The following CADPS2 variants were observed in gnomAD, a reference collection of about 807,000 sequenced individuals.
The protein encoded by CADPS2 is calcium-dependent secretion activator 2.
CADPS2 carries 93 observed loss-of-function variants against 172.5 expected under a neutral mutation model. The observed-to-expected ratio is 0.54, with a 90% CI of 0.46 to 0.64. The LOEUF (loss-of-function observed/expected upper bound fraction) is 0.64. CADPS2 is among the 30% of genes least tolerant of loss of function. The pLI is 0.00. For missense variants in CADPS2, 1,420 were observed against 1,565.9 expected, an observed-to-expected ratio of 0.91 and a Z score of 1.57; for synonymous variants, 546 against 555.2, an observed-to-expected ratio of 0.98 and a Z score of 0.23.
At chr7:122,421,731 G>T (rs757220060) in intron 17 of CADPS2, among the ~76,000 whole-genome samples, 1 of 152,182 alleles carries the variant, frequency 6.6e-6, no homozygotes, top group Non-Finnish European at 1.5e-5. Flanking sequence ...AAGAAGATCT[G>T]TTATAAAGTC....
At chr7:122,344,336 G>C (rs962099302) in intron 28 of CADPS2, among the ~76,000 whole-genome samples, 1 of 152,094 alleles carries the variant, frequency 6.6e-6, no homozygotes, top group Non-Finnish European at 1.5e-5. Flanking sequence ...ATTATGCAAA[G>C]TTATGTCACA....
chr7:122,727,060 A>G (rs553252209), intron 2 of CADPS2, among the ~76,000 whole-genome samples: 37 of 152,048 alleles, frequency 2.4e-4, no homozygotes, highest in Non-Finnish European at 4.9e-4. Flanking sequence ...CTAACTTGGC[A>G]TTTTTCCCTC....
chr7:122,319,740 A>C lies in CADPS2; in HGVS notation c.*425T>G, dbSNP rs1399489356. 1 of 156,150 alleles carries C rather than the reference A, an allele frequency of 6.4e-6. No homozygotes were observed. Among genetic ancestry groups the C allele is most frequent in the Non-Finnish European group, 1.4e-5 (1 of 70,920 alleles). 9.7% of individuals were successfully genotyped at this position (156,150 alleles called of 1,614,324 possible). A position where few individuals can be genotyped will look rare whatever the true frequency, so the allele number is the denominator to read the frequency against. On this transcript the variant is annotated 3_prime_UTR_variant, in exon 30 of 30. Transcript: ENST00000449022. ...TACACACCATTTTAACAAGGATACG[A>C]CAGTGTTGGTGCAGTGGTCCGAACT...
At chr7:122,772,013 G>A (rs956740149) in intron 1 of CADPS2, among the ~76,000 whole-genome samples, 2 of 152,190 alleles carry the variant, frequency 1.3e-5, no homozygotes, top group Non-Finnish European at 2.9e-5. Context: ...GAACAGTGGA[G>A]GAGATGGACA....
chr7:122,676,767 C>A, intron 2 of CADPS2: 1 of 1,160,222 alleles, frequency 8.6e-7, no homozygotes, highest in Non-Finnish European at 1.3e-6. Context: ...AGAAACTTCT[C>A]CAGACTGTGA....
At chr7:122,438,783 C>CAGCT (rs2050984378) in intron 16 of CADPS2, among the ~76,000 whole-genome samples, 1 of 152,044 alleles carries the variant, frequency 6.6e-6, no homozygotes, top group African/African-American at 2.4e-5. Flanking sequence ...ACCATTAAAG[C>CAGCT]AGCTGTTTCA....
chr7:122,505,734 A>C (rs1230571078), intron 9 of CADPS2, among the ~76,000 whole-genome samples: 2 of 152,042 alleles, frequency 1.3e-5, no homozygotes, highest in African/African-American at 4.8e-5. Flanking sequence ...GAATACATCA[A>C]CTCCAGAAGC....
intron 1 of CADPS2, among the ~76,000 whole-genome samples, chr7:122,820,339 T>G (rs891290570): frequency 6.6e-6 from 1 of 152,134 alleles, no homozygotes; most frequent in South Asian, 2.1e-4. Context: ...TTCTTCCTCA[T>G]CTGTTACCTA....
At chr7:122,649,382 CA>C (rs2078901898) in intron 3 of CADPS2, among the ~76,000 whole-genome samples, 1 of 152,150 alleles carries the variant, frequency 6.6e-6, no homozygotes, top group East Asian at 1.9e-4. Flanking sequence ...TCCTGGCACC[CA>C]ACTAGACTGT....
intron 1 of CADPS2, among the ~76,000 whole-genome samples, chr7:122,761,604 C>A (rs2093380962): frequency 6.6e-6 from 1 of 152,012 alleles, no homozygotes; most frequent in Non-Finnish European, 1.5e-5. Flanking sequence ...AACCACCACC[C>A]TATTCTTACT....
At chr7:122,500,718 G>A (rs915732685) in intron 9 of CADPS2, among the ~76,000 whole-genome samples, 1 of 151,956 alleles carries the variant, frequency 6.6e-6, no homozygotes, top group East Asian at 1.9e-4. Context: ...AATTAACAAA[G>A]AATCAAAAAC....
intron 1 of CADPS2, among the ~76,000 whole-genome samples, chr7:122,835,889 G>A (rs897054591): frequency 1.3e-5 from 2 of 152,144 alleles, no homozygotes; most frequent in Non-Finnish European, 1.5e-5. Context: ...CCCCAATCTA[G>A]CAAGGCAGGC....
intron 3 of CADPS2, 71 bp downstream of exon 3, chr7:122,663,166 T>C (rs2080795173): frequency 2.6e-6 from 3 of 1,134,114 alleles, no homozygotes; most frequent in Admixed American, 2.4e-5. Context: ...GACATCTTCA[T>C]AGGCTTGTAA....
At chr7:122,418,075 C>T (rs113871412) in intron 17 of CADPS2, among the ~76,000 whole-genome samples, 3,777 of 151,606 alleles carry the variant, frequency 0.025, 97 homozygotes, top group African/African-American at 0.053. Flanking sequence ...GAGGCTGAGG[C>T]AGGAGAATCG....
chr7:122,830,192 C>G (rs1584728947), intron 1 of CADPS2, among the ~76,000 whole-genome samples: 1 of 152,108 alleles, frequency 6.6e-6, no homozygotes. Flanking sequence ...AACCAAACAC[C>G]ACAATGCAGA....
intron 2 of CADPS2, among the ~76,000 whole-genome samples, chr7:122,694,320 G>A (rs565682227): frequency 2.4e-4 from 36 of 152,336 alleles, no homozygotes; most frequent in African/African-American, 8.4e-4. Flanking sequence ...AGCAAATGCA[G>A]AGGGAATTCT....
chr7:122,881,015 G>A (rs1585134850), intron 1 of CADPS2, among the ~76,000 whole-genome samples: 2 of 152,232 alleles, frequency 1.3e-5, no homozygotes, highest in Middle Eastern at 3.4e-3. Flanking sequence ...TAAATATAAA[G>A]TAGCACAATC....
In CADPS2 at chr7:122,629,243, T is replaced by C; in HGVS notation, c.867+5A>G. The C allele has an allele frequency of 6.2e-7, 1 of 1,605,786 alleles. No homozygotes were observed. Among genetic ancestry groups the C allele is most frequent in the Non-Finnish European group, 8.5e-7 (1 of 1,175,384 alleles). ...TCATACAGTATGTCCAAGTTAATAATTTACCTTTGCCATTTTATCTGCCAA... is the reference window on the plus strand; with the variant it reads ...TCATACAGTATGTCCAAGTTAATAACTTACCTTTGCCATTTTATCTGCCAA... On this transcript the variant is annotated splice_donor_5th_base_variant and intron_variant, in intron 4 of 29. Coordinates refer to ENST00000449022, the MANE Select transcript of CADPS2 (RefSeq NM_017954.11).
In CADPS2 at chr7:122,534,878, A is replaced by C. The variant is rs114217397; in HGVS notation, c.1475+19672T>G. 9.7e-3 allele frequency among the ~76,000 whole-genome samples: 1,479 copies of C among 152,252 alleles called. 20 individuals are homozygous for C. Among genetic ancestry groups the C allele is most frequent in the African/African-American group, 0.033 (1,356 of 41,578 alleles). On this transcript the variant is annotated intron_variant, in intron 8 of 29. Coordinates refer to ENST00000449022, the MANE Select transcript of CADPS2 (RefSeq NM_017954.11). ...AAATACAGTTTCTGAGTATGTGGCAATTAGCAGAACCTCTAAATTATTCAA... is the reference window on the plus strand; with the variant it reads ...AAATACAGTTTCTGAGTATGTGGCACTTAGCAGAACCTCTAAATTATTCAA...
Sources: allele counts gnomAD v4.1 joint callset (sites outside exome capture counted in the v4.1 genomes callset), GRCh38; gene constraint gnomAD v4.1.1; transcripts MANE v1.5; gene names NCBI Gene and HGNC (gene_info 2026-07-23, HGNC 2026-07-21).